STK3: variants seen among roughly 807,000 people sequenced by gnomAD.
STK3 encodes the protein serine/threonine-protein kinase 3.
In STK3, 41 loss-of-function variants were observed where a neutral mutation model predicts 58.0. The ratio of observed to expected loss-of-function variants is 0.71; its 90% CI spans 0.55 to 0.92. The LOEUF is 0.92. STK3 is among the 40% of genes least tolerant of loss of function. The pLI is 0.00. For synonymous variants in STK3, 170 were observed against 191.0 expected (o/e 0.89, Z 0.91); for missense variants, 479 against 602.7 (o/e 0.79, Z 2.15).
intron 4 of STK3, chr8:98,721,036 T>C (rs1295927628): frequency 5.4e-6 from 5 of 933,218 alleles, no homozygotes; most frequent in South Asian, 9.9e-5. Context: ...ACAAAACAAA[T>C]ATACCTGTTA....
rs567548146 is a variant in STK3, at chr8:98,855,759, A to G, written c.110+27888T>C. Among the ~76,000 whole-genome samples the G allele has an allele frequency of 5.7e-4, 87 of 152,238 alleles. 1 individual carries two copies. Among genetic ancestry groups the G allele is most frequent in the African/African-American group, 1.8e-3 (74 of 41,550 alleles). On this transcript the variant is annotated intron_variant, in intron 3 of 12. Coordinates refer to the STK3 transcript ENST00000523601. ...GGGCACAGTGACTCACATCTCTCAC[A>G]TCTGTAATCTCACCACTTTGGGAGG...
intron 1 of STK3, among the ~76,000 whole-genome samples, chr8:98,791,052 A>G (rs2131579612): frequency 6.6e-6 from 1 of 152,218 alleles, no homozygotes; most frequent in African/African-American, 2.4e-5. Flanking sequence ...TGATGATATG[A>G]TTGTTTACCT....
chr8:98,419,899 A>G (rs1382226289), intron 3 of STK3, among the ~76,000 whole-genome samples: 1 of 152,120 alleles, frequency 6.6e-6, no homozygotes, highest in Non-Finnish European at 1.5e-5. Context: ...CTTATCGCTC[A>G]ACTTAATACA....
At chr8:98,408,786 T>C in intron 3 of STK3, among the ~76,000 whole-genome samples, 1 of 152,204 alleles carries the variant, frequency 6.6e-6, no homozygotes, top group East Asian at 1.9e-4. Flanking sequence ...GCTGGATAAA[T>C]GAGCATGCAT....
At chr8:98,745,737 G>T (rs1186652259) in intron 4 of STK3, among the ~76,000 whole-genome samples, 1 of 152,018 alleles carries the variant, frequency 6.6e-6, no homozygotes, top group Non-Finnish European at 1.5e-5. Context: ...CCGAGAAACT[G>T]AGAAGCCCTA....
chr8:98,599,667 G>A (rs182041535), intron 6 of STK3, among the ~76,000 whole-genome samples: 2 of 152,236 alleles, frequency 1.3e-5, no homozygotes, highest in Non-Finnish European at 2.9e-5. Flanking sequence ...CCTTTTAGAT[G>A]TTAATATAAA....
chr8:98,375,279 A>AAC (rs386413454), intron 2 of STK3, among the ~76,000 whole-genome samples: 1 of 148,632 alleles, frequency 6.7e-6, no homozygotes, highest in Non-Finnish European at 1.5e-5. Context: ...AACAAAAAAA[A>AAC]ACAAAAAAAA....
chr8:98,533,822 A>T (rs1194368258), intron 9 of STK3, among the ~76,000 whole-genome samples: 1 of 152,110 alleles, frequency 6.6e-6, no homozygotes, highest in Non-Finnish European at 1.5e-5. Context: ...TTCCATCTTT[A>T]CTTTTCATTA....
chr8:98,864,872 T>G (rs1421456401), intron 3 of STK3, among the ~76,000 whole-genome samples: 2 of 152,198 alleles, frequency 1.3e-5, no homozygotes, highest in African/African-American at 2.4e-5. Flanking sequence ...CCATATTGGC[T>G]GCTTCCACTC....
At chr8:98,676,350 C>T (rs1460214350) in intron 6 of STK3, among the ~76,000 whole-genome samples, 4 of 152,192 alleles carry the variant, frequency 2.6e-5, no homozygotes, top group Non-Finnish European at 2.9e-5. Flanking sequence ...TGGGGCGGGG[C>T]GCGGTGGCTC....
intron 1 of STK3, among the ~76,000 whole-genome samples, chr8:98,900,230 C>T (rs1406136293): frequency 6.6e-6 from 1 of 151,974 alleles, no homozygotes; most frequent in African/African-American, 2.4e-5. Context: ...GCGCCCGCCA[C>T]TACACCCGGC....
intron 3 of STK3, among the ~76,000 whole-genome samples, chr8:98,836,300 G>A (rs1221631753): frequency 2.0e-5 from 3 of 152,124 alleles, no homozygotes; most frequent in African/African-American, 7.2e-5. Context: ...GCCTGGTGAG[G>A]GCCAACTTCC....
intron 2 of STK3, among the ~76,000 whole-genome samples, chr8:98,771,650 C>G (rs902390654): frequency 6.6e-6 from 1 of 152,068 alleles, no homozygotes; most frequent in Non-Finnish European, 1.5e-5. Flanking sequence ...CTGCAACCTC[C>G]GCCTCCTGGG....
chr8:98,541,025 C>G (rs140549270), intron 9 of STK3, among the ~76,000 whole-genome samples: 2 of 152,124 alleles, frequency 1.3e-5, no homozygotes, highest in Non-Finnish European at 1.5e-5. Flanking sequence ...GCGGCGCCAG[C>G]GGTAGCCTCT....
intron 10 of STK3, among the ~76,000 whole-genome samples, chr8:98,525,285 G>A (rs1393681397): frequency 6.6e-6 from 1 of 152,184 alleles, no homozygotes; most frequent in South Asian, 2.1e-4. Flanking sequence ...GAGAGGGGAA[G>A]AAGGGAGTCA....
At chr8:98,744,244 G>T (rs539933128) in intron 4 of STK3, among the ~76,000 whole-genome samples, 2 of 152,234 alleles carry the variant, frequency 1.3e-5, no homozygotes, top group South Asian at 2.1e-4. Flanking sequence ...TATACCCAAA[G>T]GACTATAAAT....
intron 3 of STK3, among the ~76,000 whole-genome samples, chr8:98,409,951 G>C (rs1194833824): frequency 6.6e-6 from 1 of 152,184 alleles, no homozygotes; most frequent in Non-Finnish European, 1.5e-5. Context: ...TCCAGTCCAA[G>C]GTCCAACAAT....
At chr8:98,613,535 GAAT>G (rs1195297363) in intron 6 of STK3, among the ~76,000 whole-genome samples, 4 of 151,652 alleles carry the variant, frequency 2.6e-5, no homozygotes, top group African/African-American at 4.8e-5. Context: ...TGTACATATA[GAAT>G]AATACTAAAA....
intron 1 of STK3, among the ~76,000 whole-genome samples, chr8:98,799,186 G>A (rs2131615107): frequency 6.6e-6 from 1 of 152,228 alleles, no homozygotes; most frequent in East Asian, 1.9e-4. Context: ...ACTGGCAATG[G>A]AAATATACTG....
Sources: allele counts gnomAD v4.1 joint callset (sites outside exome capture counted in the v4.1 genomes callset), GRCh38; gene constraint gnomAD v4.1.1; transcripts MANE v1.5; gene names NCBI Gene and HGNC (gene_info 2026-07-23, HGNC 2026-07-21).